The following TMEM236 variants were observed in gnomAD, a reference collection of about 807,000 sequenced individuals.
The protein encoded by TMEM236 is transmembrane protein 236.
Under a neutral mutation model 14.7 loss-of-function variants are expected in TMEM236, and 11 were observed. The ratio of observed to expected loss-of-function variants is 0.75; its 90% CI spans 0.47 to 1.24. The LOEUF (loss-of-function observed/expected upper bound fraction) is 1.24. Among genes scored for constraint, TMEM236 ranks in the 50% most tolerant of loss-of-function variants. TMEM236 has a pLI of 0.00. For missense variants in TMEM236, 464 were observed against 427.3 expected (o/e 1.09, Z -0.76); for synonymous variants, 182 against 168.6 (o/e 1.08, Z -0.62).
At position 17,776,934 on chromosome 10, in the gene TMEM236, C is replaced by T. The variant is rs782566875; in HGVS notation, c.472+764C>T. Reference sequence around the variant, plus strand: ...ACTCCAGCTTTCATTAAATTTCTTGCGGTAGTATCTGTGTTTAATTGGCAA... The same window carrying T: ...ACTCCAGCTTTCATTAAATTTCTTGTGGTAGTATCTGTGTTTAATTGGCAA... On this transcript the variant is annotated intron_variant, in intron 3 of 3. Coordinates refer to ENST00000377495, the MANE Select transcript of TMEM236 (RefSeq NM_001098844.3). 7.6e-3 allele frequency among the ~76,000 whole-genome samples: 1,153 copies of T among 152,154 alleles called. 7 individuals carry two copies. Among genetic ancestry groups the T allele is most frequent in the Non-Finnish European group, 0.013 (892 of 68,014 alleles).
At chr10:17,759,915 G>A (rs992484113) in intron 1 of TMEM236, among the ~76,000 whole-genome samples, 4 of 149,128 alleles carry the variant, frequency 2.7e-5, no homozygotes, top group Non-Finnish European at 5.9e-5. Context: ...CCCGGGAGGC[G>A]GAGCTTGCAG....
chr10:17,783,607 T>C (rs1837789262), intron 3 of TMEM236, among the ~76,000 whole-genome samples: 1 of 152,224 alleles, frequency 6.6e-6, no homozygotes, highest in African/African-American at 2.4e-5. Flanking sequence ...TTAGGTCAAA[T>C]GTTCAGATGC....
In TMEM236 at chr10:17,797,316, G is replaced by A. The variant is rs1176189298; in HGVS notation, c.*812G>A. 2 of 143,598 alleles carry A rather than the reference G, an allele frequency of 1.4e-5. No individual in the cohort carries two copies. The highest frequency in any genetic ancestry group is 3.0e-5 in the Non-Finnish European group (2 of 66,674). 8.9% of individuals were successfully genotyped at this position (143,598 alleles called of 1,614,324 possible). A position where few individuals can be genotyped will look rare whatever the true frequency, so the allele number is the denominator to read the frequency against. ...ATACTTTTTTTTTTTTTTTTGAGAC[G>A]ATGTCTCGCTCTTGTCCCCTAGGCT... On this transcript the variant is annotated 3_prime_UTR_variant, in exon 4 of 4. Coordinates refer to ENST00000377495, the MANE Select transcript of TMEM236 (RefSeq NM_001098844.3).
chr10:17,758,720 G>A (rs1458665107), intron 1 of TMEM236, among the ~76,000 whole-genome samples: 3 of 152,160 alleles, frequency 2.0e-5, no homozygotes, highest in African/African-American at 7.2e-5. Context: ...CTGAAAAGTG[G>A]TAGAAGTGGC....
In TMEM236 at chr10:17,797,000, A is replaced by C. The variant is rs529398958; in HGVS notation, c.*496A>C. On this transcript the variant is annotated 3_prime_UTR_variant, in exon 4 of 4. Coordinates refer to ENST00000377495, the MANE Select transcript of TMEM236 (RefSeq NM_001098844.3). Reference sequence around the variant, plus strand: ...AGAAAATCTAATACCTGATGATCTGAGGTGGGACAGTTTCATCCCAGAACC... The same window carrying C: ...AGAAAATCTAATACCTGATGATCTGCGGTGGGACAGTTTCATCCCAGAACC... 6.0e-6 allele frequency: 1 copy of C among 166,566 alleles called. No homozygotes were observed. Among genetic ancestry groups the C allele is most frequent in the South Asian group, 1.4e-4 (1 of 7,298 alleles). 10.3% of individuals were successfully genotyped at this position (166,566 alleles called of 1,614,324 possible).
At chr10:17,774,219 A>G (rs1281702665) in intron 2 of TMEM236, among the ~76,000 whole-genome samples, 5 of 151,932 alleles carry the variant, frequency 3.3e-5, no homozygotes, top group African/African-American at 4.8e-5. Flanking sequence ...TAATGTTTGT[A>G]TTTTTAATAG....
intron 3 of TMEM236, among the ~76,000 whole-genome samples, chr10:17,787,393 G>A (rs559862956): frequency 2.6e-5 from 4 of 152,320 alleles, no homozygotes; most frequent in Admixed American, 6.5e-5. Context: ...GGAATCAATC[G>A]TCATGGCCTT....
intron 3 of TMEM236, among the ~76,000 whole-genome samples, chr10:17,778,452 T>C (rs1226035184): frequency 6.6e-6 from 1 of 152,222 alleles, no homozygotes; most frequent in Non-Finnish European, 1.5e-5. Flanking sequence ...CATGAATTAA[T>C]ATATGAATAC....
intron 1 of TMEM236, among the ~76,000 whole-genome samples, chr10:17,753,182 A>C (rs71495298): frequency 0.083 from 12,567 of 152,018 alleles, 586 homozygotes; most frequent in African/African-American, 0.11. Flanking sequence ...GAGTGAGCCA[A>C]CACGCCCAGC....
chr10:17,768,086 G>GT (rs879036347), intron 1 of TMEM236, among the ~76,000 whole-genome samples: 1,314 of 91,888 alleles, frequency 0.014, 51 homozygotes, highest in Admixed American at 0.028. Flanking sequence ...AATTTTTGTG[G>GT]TTTTTTTTTT....
At chr10:17,767,669 T>C (rs1837490758) in intron 1 of TMEM236, among the ~76,000 whole-genome samples, 6 of 152,172 alleles carry the variant, frequency 3.9e-5, no homozygotes. Context: ...CAATTTACAT[T>C]GTTTCTTTCA....
At chr10:17,772,346 A>G (rs1037816900) in intron 2 of TMEM236, among the ~76,000 whole-genome samples, 3,825 of 152,270 alleles carry the variant, frequency 0.025, 157 homozygotes, top group African/African-American at 0.087. Context: ...TAATTTTGGG[A>G]GGTTACTCAC....
chr10:17,761,927 C>A (rs922886177), intron 1 of TMEM236, among the ~76,000 whole-genome samples: 4 of 152,082 alleles, frequency 2.6e-5, no homozygotes, highest in Non-Finnish European at 5.9e-5. Flanking sequence ...TCTTTATTAC[C>A]TTGTGTTGAA....
intron 1 of TMEM236, among the ~76,000 whole-genome samples, chr10:17,768,086 GTTTTTTTTT>G (rs879036347): frequency 1.1e-5 from 1 of 92,016 alleles, no homozygotes; most frequent in African/African-American, 4.4e-5. Context: ...AATTTTTGTG[GTTTTTTTTT>G]TTTTTTTTTT....
Position 17,796,324 on chromosome 10 carries a change from G to T in TMEM236, c.876G>T (p.Leu292=). The change falls in exon 4 of 4, where the codon CTG becomes CTT. Residue 292 remains leucine, a synonymous_variant. Transcript: ENST00000377495. ...FTPQNPLLNS[L]SVLLQDLPFV... ...CCCAAAACCCTCTTCTCAATTCCCT[G>T]AGCGTCCTGCTGCAAGATTTACCAT... is the stretch of plus-strand genomic sequence containing the variant. The T allele has an allele frequency of 1.2e-6, 2 of 1,613,886 alleles. No homozygotes were observed. The highest frequency in any genetic ancestry group is 1.7e-6 in the Non-Finnish European group (2 of 1,179,860).
At chr10:17,752,615 G>A in intron 1 of TMEM236, 63 bp downstream of exon 1, 1 of 1,543,958 alleles carries the variant, frequency 6.5e-7, no homozygotes, top group Non-Finnish European at 8.9e-7. Context: ...CACCCAGGCT[G>A]GAGTGCAGTA....
intron 3 of TMEM236, among the ~76,000 whole-genome samples, chr10:17,781,745 CAAA>C (rs67839025): frequency 0.21 from 20,815 of 97,090 alleles, 1,754 homozygotes; most frequent in East Asian, 0.53. Flanking sequence ...ACCTCTGTCT[CAAA>C]AAAAAAAAAA....
intron 1 of TMEM236, among the ~76,000 whole-genome samples, chr10:17,760,494 G>T (rs1013857014): frequency 6.6e-6 from 1 of 152,170 alleles, no homozygotes; most frequent in South Asian, 2.1e-4. Context: ...TTTTACTTTG[G>T]TGTTTTTGAT....
chr10:17,779,612 T>C (rs964333306), intron 3 of TMEM236, among the ~76,000 whole-genome samples: 76 of 152,278 alleles, frequency 5.0e-4, no homozygotes, highest in African/African-American at 1.7e-3. Context: ...GGTTTCACCC[T>C]GTTGGCCAGG....
Sources: gnomAD v4.1 joint callset for allele counts (sites outside exome capture counted in the v4.1 genomes callset) on GRCh38, gnomAD v4.1.1 for gene constraint, MANE v1.5 for transcripts, NCBI Gene and HGNC (gene_info 2026-07-23, HGNC 2026-07-21) for gene names.